Variants in DNER observed in about 807,000 individuals in gnomAD.
DNER encodes delta/notch like EGF repeat containing, also known as delta and Notch-like epidermal growth factor-related receptor.
In DNER, 33 loss-of-function variants were observed where a neutral mutation model predicts 78.2. The observed-to-expected ratio is 0.42, with a 90% CI of 0.32 to 0.56. The LOEUF (loss-of-function observed/expected upper bound fraction) is 0.56, where lower values mean the gene tolerates loss of function less well. Among genes scored for constraint, DNER ranks in the 20% least tolerant of loss-of-function variants. The pLI, the probability that DNER is intolerant of heterozygous loss-of-function variation, is 0.11. For missense variants in DNER, 918 were observed against 975.3 expected (o/e 0.94, Z 0.78); for synonymous variants, 417 against 384.8 (o/e 1.08, Z -0.98).
At chr2:229,607,493 C>T (rs1311324318) in intron 1 of DNER, among the ~76,000 whole-genome samples, 1 of 152,122 alleles carries the variant, frequency 6.6e-6, no homozygotes, top group Non-Finnish European at 1.5e-5. Flanking sequence ...CAATCAAAAT[C>T]CCATGCTTCT....
intron 12 of DNER, among the ~76,000 whole-genome samples, chr2:229,364,086 A>G (rs749321942): frequency 5.0e-4 from 67 of 133,066 alleles, no homozygotes; most frequent in Non-Finnish European, 7.1e-4. Context: ...GATGATCTCT[A>G]TCTCTTGACC....
intron 6 of DNER, among the ~76,000 whole-genome samples, chr2:229,490,951 T>C (rs1250781494): frequency 6.6e-6 from 1 of 152,248 alleles, no homozygotes; most frequent in Non-Finnish European, 1.5e-5. Flanking sequence ...GCCTCCTAAC[T>C]GGTTTTCCAA....
At chr2:229,459,775 G>C (rs1250146407) in intron 7 of DNER, among the ~76,000 whole-genome samples, 2 of 152,104 alleles carry the variant, frequency 1.3e-5, no homozygotes, top group East Asian at 3.9e-4. Context: ...GCTGGGCATG[G>C]TGGTGTGTGC....
At chr2:229,365,896 A>G (rs929474065) in intron 12 of DNER, among the ~76,000 whole-genome samples, 4 of 152,246 alleles carry the variant, frequency 2.6e-5, no homozygotes, top group Non-Finnish European at 1.5e-5. Flanking sequence ...TATTCAATTA[A>G]CAAAAGAAGA....
rs1206516012 is a variant in DNER, at chr2:229,357,985, C to T, written c.*555G>A. On this transcript the variant is annotated 3_prime_UTR_variant, in exon 13 of 13. Coordinates refer to ENST00000341772, the MANE Select transcript of DNER (RefSeq NM_139072.4). ...AAACAAACTCGAAAGAATGTTTCCA[C>T]AAAGTTCAACAAAACAGTGCAGAAA... The T allele has an allele frequency of 6.6e-6, 1 of 152,598 alleles. No homozygotes were observed. Among genetic ancestry groups the T allele is most frequent in the Non-Finnish European group, 1.5e-5 (1 of 68,040 alleles). 9.5% of individuals were successfully genotyped at this position (152,598 alleles called of 1,614,324 possible). A position where few individuals can be genotyped will look rare whatever the true frequency, so the allele number is the denominator to read the frequency against.
chr2:229,408,181 A>G (rs1022525235), intron 9 of DNER, among the ~76,000 whole-genome samples: 1 of 152,276 alleles, frequency 6.6e-6, no homozygotes, highest in South Asian at 2.1e-4. Flanking sequence ...GTGTGCATGT[A>G]TGTACGCAAA....
At chr2:229,603,152 C>T (rs532068073) in intron 1 of DNER, among the ~76,000 whole-genome samples, 15 of 152,132 alleles carry the variant, frequency 9.9e-5, no homozygotes, top group African/African-American at 3.4e-4. Context: ...TCTCTCAAGC[C>T]ATATGCAAAA....
intron 4 of DNER, among the ~76,000 whole-genome samples, chr2:229,572,932 A>G (rs1407216336): frequency 6.6e-6 from 1 of 152,176 alleles, no homozygotes; most frequent in East Asian, 1.9e-4. Flanking sequence ...TGGAGGCTAA[A>G]ATCTCTTAAA....
chr2:229,622,963 G>A (rs956345659), intron 1 of DNER, among the ~76,000 whole-genome samples: 3 of 152,182 alleles, frequency 2.0e-5, no homozygotes, highest in Non-Finnish European at 2.9e-5. Flanking sequence ...GTGGCACTTT[G>A]CACAGAGGCC....
chr2:229,440,931 T>C (rs866944058), intron 8 of DNER, among the ~76,000 whole-genome samples: 1 of 152,240 alleles, frequency 6.6e-6, no homozygotes, highest in South Asian at 2.1e-4. Flanking sequence ...CTCTATCTTT[T>C]CATCTCTTTT....
Position 229,418,160 on chromosome 2 carries a change from G to A in DNER, c.1557C>T (p.Thr519=). 1.2e-6 allele frequency: 2 copies of A among 1,614,186 alleles called. No homozygotes were observed. The highest frequency in any genetic ancestry group is 1.7e-6 in the Non-Finnish European group (2 of 1,180,010). Reference sequence around the variant, plus strand: ...CATAGCCATTAACGAGGTCCCTGCAGGTGGCTGCATTCAGGCATGGAGCGG... The same window carrying A: ...CATAGCCATTAACGAGGTCCCTGCAAGTGGCTGCATTCAGGCATGGAGCGG... ...CLSAPCLNAA[T]CRDLVNGYEC... The change falls in exon 9 of 13, where the codon ACC becomes ACT. Residue 519 remains threonine (T), a synonymous_variant. Coordinates refer to ENST00000341772, the MANE Select transcript of DNER (RefSeq NM_139072.4).
intron 11 of DNER, among the ~76,000 whole-genome samples, chr2:229,371,351 T>A (rs528897867): frequency 6.6e-6 from 1 of 152,232 alleles, no homozygotes; most frequent in Non-Finnish European, 1.5e-5. Context: ...TTGTTGACTA[T>A]GTTTGCTACA....
intron 4 of DNER, among the ~76,000 whole-genome samples, chr2:229,585,440 C>G (rs1259914138): frequency 6.6e-6 from 1 of 152,054 alleles, no homozygotes; most frequent in Non-Finnish European, 1.5e-5. Flanking sequence ...GCAGGCAGAT[C>G]ACCTGAGGTC....
intron 6 of DNER, among the ~76,000 whole-genome samples, chr2:229,503,578 T>C (rs1382008824): frequency 2.0e-5 from 3 of 152,134 alleles, no homozygotes; most frequent in East Asian, 3.8e-4. Context: ...CAAAGACCAC[T>C]CCTGCTTTTG....
chr2:229,539,982 G>A (rs1442455981), intron 5 of DNER, among the ~76,000 whole-genome samples: 1 of 152,188 alleles, frequency 6.6e-6, no homozygotes, highest in Non-Finnish European at 1.5e-5. Flanking sequence ...AGCCTAGAGG[G>A]TACCAGACAC....
intron 11 of DNER, among the ~76,000 whole-genome samples, chr2:229,373,813 A>G (rs1034982047): frequency 6.6e-6 from 1 of 152,218 alleles, no homozygotes; most frequent in Non-Finnish European, 1.5e-5. Flanking sequence ...GTTGAAGGCC[A>G]TTATCCTAAG....
intron 1 of DNER, chr2:229,606,434 C>T (rs1170454999): frequency 2.6e-5 from 4 of 152,092 alleles, no homozygotes; most frequent in African/African-American, 9.7e-5. Context: ...CTAGAGAAAT[C>T]CACCAGCAGT....
intron 7 of DNER, among the ~76,000 whole-genome samples, chr2:229,455,435 C>A (rs571644797): frequency 6.6e-6 from 1 of 151,944 alleles, no homozygotes; most frequent in Non-Finnish European, 1.5e-5. Flanking sequence ...TCAAGTTGCC[C>A]GTATAATCAG....
At chr2:229,621,111 A>C (rs1318859270) in intron 1 of DNER, among the ~76,000 whole-genome samples, 1 of 152,248 alleles carries the variant, frequency 6.6e-6, no homozygotes, top group Non-Finnish European at 1.5e-5. Context: ...GTCCTTAAGG[A>C]CATCATTACT....
Sources: allele counts gnomAD v4.1 joint callset (sites outside exome capture counted in the v4.1 genomes callset), GRCh38; gene constraint gnomAD v4.1.1; transcripts MANE v1.5; gene names NCBI Gene and HGNC (gene_info 2026-07-23, HGNC 2026-07-21).